The following SPATA13 variants were observed in gnomAD, a reference collection of about 807,000 sequenced individuals.
The protein encoded by SPATA13 is spermatogenesis-associated protein 13.
A neutral mutation model predicts 104.0 loss-of-function variants in SPATA13; 50 were observed. The ratio of observed to expected loss-of-function variants is 0.48; its 90% CI spans 0.38 to 0.61. The LOEUF (loss-of-function observed/expected upper bound fraction) is 0.61. Ranked by LOEUF, SPATA13 falls within the 20% of genes least tolerant of loss-of-function variation. SPATA13 has a pLI of 0.00. For synonymous variants in SPATA13, 606 were observed against 667.5 expected, an observed-to-expected ratio of 0.91 and a Z score of 1.42; for missense variants, 1,524 against 1,690.6, an observed-to-expected ratio of 0.90 and a Z score of 1.73.
chr13:24,173,106 C>T (rs775550060), intron 1 of SPATA13, among the ~76,000 whole-genome samples: 1 of 152,128 alleles, frequency 6.6e-6, no homozygotes, highest in Non-Finnish European at 1.5e-5. Flanking sequence ...GAGACACAGT[C>T]TTGCTCCGTC....
intron 3 of SPATA13, among the ~76,000 whole-genome samples, chr13:24,104,096 G>C (rs1299341977): frequency 6.6e-6 from 1 of 152,218 alleles, no homozygotes; most frequent in African/African-American, 2.4e-5. Flanking sequence ...ATATAAAACT[G>C]TTAGAGAGCT....
intron 3 of SPATA13, among the ~76,000 whole-genome samples, chr13:24,110,535 C>G (rs1201274027): frequency 6.6e-6 from 1 of 152,162 alleles, no homozygotes; most frequent in East Asian, 1.9e-4. Flanking sequence ...CAGTCTAAGC[C>G]TAATCTTTAC....
intron 3 of SPATA13, among the ~76,000 whole-genome samples, chr13:24,060,971 G>A (rs9553154): frequency 0.14 from 21,321 of 152,066 alleles, 1,694 homozygotes; most frequent in South Asian, 0.24. Context: ...CCTTGGAGGC[G>A]GAGGTTGCAG....
intron 1 of SPATA13, among the ~76,000 whole-genome samples, chr13:24,198,141 G>A (rs1011409427): frequency 1.3e-5 from 2 of 152,002 alleles, no homozygotes; most frequent in Non-Finnish European, 2.9e-5. Context: ...GATTACAGGC[G>A]CCCGCCACCA....
At chr13:24,109,160 C>G (rs529834747) in intron 3 of SPATA13, among the ~76,000 whole-genome samples, 1 of 152,104 alleles carries the variant, frequency 6.6e-6, no homozygotes, top group Admixed American at 6.5e-5. Flanking sequence ...GCCCTCTGTC[C>G]AAGTGTTCTC....
chr13:24,189,345 C>T (rs1451339682), intron 1 of SPATA13, among the ~76,000 whole-genome samples: 7 of 151,112 alleles, frequency 4.6e-5, no homozygotes, highest in Non-Finnish European at 1.0e-4. Flanking sequence ...GTGGCGGGTG[C>T]CTATAATAGT....
intron 4 of SPATA13, among the ~76,000 whole-genome samples, chr13:24,258,170 G>A (rs886683854): frequency 1.3e-5 from 2 of 151,908 alleles, no homozygotes; most frequent in Non-Finnish European, 2.9e-5. Flanking sequence ...GGAAGATAGA[G>A]GTTGCAGTGA....
chr13:24,278,745 G>T (rs958176163), intron 4 of SPATA13: 10 of 1,593,006 alleles, frequency 6.3e-6, no homozygotes, highest in Non-Finnish European at 8.5e-6. Context: ...AACAAAGAAA[G>T]AAACTTGACC....
At chr13:24,006,430 C>G (rs184979272) in intron 2 of SPATA13, among the ~76,000 whole-genome samples, 1 of 152,306 alleles carries the variant, frequency 6.6e-6, no homozygotes, top group Admixed American at 6.5e-5. Flanking sequence ...CAGACAACGA[C>G]AAGACAAACA....
At chr13:24,267,218 C>T (rs751956416) in intron 4 of SPATA13, among the ~76,000 whole-genome samples, 6 of 152,080 alleles carry the variant, frequency 3.9e-5, no homozygotes, top group Non-Finnish European at 2.9e-5. Flanking sequence ...GACTCTCTTC[C>T]CTGGGACTCT....
intron 2 of SPATA13, among the ~76,000 whole-genome samples, chr13:24,010,267 G>T (rs571765892): frequency 5.3e-4 from 81 of 152,226 alleles, no homozygotes; most frequent in Non-Finnish European, 1.1e-3. Flanking sequence ...ATAAACAGTG[G>T]GGCAGAGGAA....
At chr13:24,125,673 C>T (rs551686637) in intron 3 of SPATA13, among the ~76,000 whole-genome samples, 2 of 152,148 alleles carry the variant, frequency 1.3e-5, no homozygotes, top group Admixed American at 6.5e-5. Context: ...AAGGGATGGA[C>T]GTTTTTGTTG....
chr13:24,092,881 C>T (rs192242009), intron 3 of SPATA13, among the ~76,000 whole-genome samples: 99 of 152,252 alleles, frequency 6.5e-4, no homozygotes, highest in African/African-American at 2.3e-3. Flanking sequence ...GAAGATTGCC[C>T]GAGTAAGCCT....
intron 3 of SPATA13, among the ~76,000 whole-genome samples, chr13:24,101,570 A>T (rs1880259245): frequency 6.6e-6 from 1 of 152,208 alleles, no homozygotes; most frequent in Admixed American, 6.5e-5. Context: ...GCACATTCTC[A>T]TGCAGAAGAT....
exon 2 of SPATA13, chr13:23,983,845 C>T: frequency 3.1e-6 from 3 of 983,158 alleles, no homozygotes; most frequent in Non-Finnish European, 3.6e-6. Flanking sequence ...TATTCGCTGC[C>T]TGTGCAGCAC....
chr13:24,256,903 C>G (rs1873818268), intron 4 of SPATA13, among the ~76,000 whole-genome samples: 1 of 152,226 alleles, frequency 6.6e-6, no homozygotes, highest in Non-Finnish European at 1.5e-5. Context: ...TGTGGCTTCA[C>G]CTTCCTTGGG....
intron 3 of SPATA13, among the ~76,000 whole-genome samples, chr13:24,032,067 A>G (rs1175435981): frequency 6.6e-6 from 1 of 152,168 alleles, no homozygotes; most frequent in Admixed American, 6.5e-5. Flanking sequence ...CTGGTAAGTC[A>G]GTTTAGTAAG....
intron 3 of SPATA13, among the ~76,000 whole-genome samples, chr13:24,118,889 C>T (rs1326067407): frequency 7.0e-5 from 9 of 128,806 alleles, no homozygotes; most frequent in Non-Finnish European, 1.2e-4. Context: ...GTCAGGTAGA[C>T]GCTACATTTT....
At chr13:24,244,779 C>A (rs574730992) in intron 2 of SPATA13, among the ~76,000 whole-genome samples, 1 of 152,208 alleles carries the variant, frequency 6.6e-6, no homozygotes, top group Non-Finnish European at 1.5e-5. Context: ...GGGAGGATCA[C>A]CTGAGCCCAG....
Sources: allele counts gnomAD v4.1 joint callset (sites outside exome capture counted in the v4.1 genomes callset), GRCh38; gene constraint gnomAD v4.1.1; transcripts MANE v1.5; gene names NCBI Gene and HGNC (gene_info 2026-07-23, HGNC 2026-07-21).